Variants in ANK3 observed in about 807,000 individuals in gnomAD.
ANK3 encodes the protein ankyrin 3.
A neutral mutation model predicts 370.9 loss-of-function variants in ANK3; 57 were observed. The ratio of observed to expected loss-of-function variants is 0.15; its 90% CI spans 0.12 to 0.19. The LOEUF is 0.19. Ranked by LOEUF, ANK3 falls within the 10% of genes least tolerant of loss-of-function variation. The probability of loss-of-function intolerance (pLI) is 1.00; values close to 1 mark genes in which losing one functional copy is unlikely to be tolerated. For synonymous variants in ANK3, 1,929 were observed against 1,946.3 expected, an observed-to-expected ratio of 0.99 and a Z score of 0.23; for missense variants, 4,439 against 5,302.1, an observed-to-expected ratio of 0.84 and a Z score of 5.06.
At chr10:60,045,966 G>A (rs1463161921) in intron 42 of ANK3, among the ~76,000 whole-genome samples, 3 of 151,774 alleles carry the variant, frequency 2.0e-5, no homozygotes, top group African/African-American at 7.3e-5. Flanking sequence ...ACAGTTTGTG[G>A]GTGCATAGTT....
intron 18 of ANK3, among the ~76,000 whole-genome samples, chr10:60,180,558 T>C (rs529980513): frequency 3.3e-5 from 4 of 120,218 alleles, no homozygotes; most frequent in Admixed American, 1.1e-4. Flanking sequence ...GTCAAGCCAC[T>C]GCACTCCAGC....
At chr10:60,288,889 AACACAC>A (rs35560146) in intron 1 of ANK3, among the ~76,000 whole-genome samples, 21 of 139,322 alleles carry the variant, frequency 1.5e-4, no homozygotes, top group East Asian at 6.5e-4. Context: ...AGGTAGGAAT[AACACAC>A]ACACACACAC....
At chr10:60,692,958 TA>T (rs1248306419) in intron 1 of ANK3, among the ~76,000 whole-genome samples, 8 of 152,136 alleles carry the variant, frequency 5.3e-5, no homozygotes, top group Non-Finnish European at 1.2e-4. Flanking sequence ...AAGATTATAA[TA>T]GGGGTGATTT....
chr10:60,128,384 CTTT>C (rs56104024), intron 25 of ANK3, among the ~76,000 whole-genome samples: 34,188 of 146,008 alleles, frequency 0.23, 4,189 homozygotes, highest in East Asian at 0.48. Flanking sequence ...CATTTTTTTT[CTTT>C]TTTTTTTTTT....
chr10:60,394,386 C>T (rs528460511), upstream of ANK3, among the ~76,000 whole-genome samples: 3 of 152,018 alleles, frequency 2.0e-5, no homozygotes, highest in Non-Finnish European at 4.4e-5. Context: ...GCCATTCATA[C>T]ACCCCTTGTA....
intron 23 of ANK3, among the ~76,000 whole-genome samples, chr10:60,143,185 T>C (rs1315879982): frequency 3.2e-5 from 4 of 126,234 alleles, no homozygotes; most frequent in Non-Finnish European, 6.6e-5. Context: ...TGTTCTCCAT[T>C]ACTTATAAGC....
intron 1 of ANK3, among the ~76,000 whole-genome samples, chr10:60,302,120 A>G (rs2043952626): frequency 6.6e-6 from 1 of 152,238 alleles, no homozygotes; most frequent in African/African-American, 2.4e-5. Flanking sequence ...TATGAAACTT[A>G]TATACACCAG....
chr10:60,208,218 A>C lies in ANK3; in HGVS notation c.1012T>G (p.Leu338Val). The change falls in exon 10 of 44, where the codon TTG (leucine) becomes GTG (valine). Residue 338 changes from leucine to valine, a missense_variant. Physicochemically the swap from Leu to Val is conservative, Grantham distance 32 (BLOSUM62 1). Transcript: ENST00000280772. ...LSKTKNGLSP[L>V]HMATQGDHLN... ...TGATCCCCTTGTGTGGCCATGTGCA[A>C]TGGAGATAATCCATTCTGGAACACA... 1 of 1,614,098 alleles carries C rather than the reference A, an allele frequency of 6.2e-7. No homozygotes were observed. The highest frequency in any genetic ancestry group is 1.7e-5 in the Admixed American group (1 of 60,014).
intron 21 of ANK3, among the ~76,000 whole-genome samples, chr10:60,168,667 C>A (rs979070406): frequency 6.6e-6 from 1 of 152,148 alleles, no homozygotes; most frequent in Non-Finnish European, 1.5e-5. Context: ...TATTAAGCCT[C>A]GCATGCATGA....
chr10:60,514,905 C>T (rs182763278), intron 2 of ANK3, among the ~76,000 whole-genome samples: 365 of 152,142 alleles, frequency 2.4e-3, no homozygotes, highest in African/African-American at 8.1e-3. Flanking sequence ...TATAAAATGA[C>T]AAATTTTATT....
At chr10:60,280,734 C>T (rs2098149194) in intron 1 of ANK3, among the ~76,000 whole-genome samples, 1 of 152,166 alleles carries the variant, frequency 6.6e-6, no homozygotes, top group Non-Finnish European at 1.5e-5. Context: ...TGCAATCATG[C>T]AGGGTATGGC....
At chr10:60,652,498 C>T (rs2078803096) in intron 1 of ANK3, among the ~76,000 whole-genome samples, 1 of 151,526 alleles carries the variant, frequency 6.6e-6, no homozygotes, top group Non-Finnish European at 1.5e-5. Flanking sequence ...AACCTTAAAC[C>T]CTTAATCAAA....
intron 2 of ANK3, chr10:60,572,851 G>C: frequency 1.9e-6 from 2 of 1,078,336 alleles, no homozygotes; most frequent in Non-Finnish European, 2.2e-6. Flanking sequence ...AGACTTTGTT[G>C]CTTGTTCCTC....
intron 8 of ANK3, 57 bp from the exon 9 acceptor site, chr10:60,213,567 G>T: frequency 3.4e-6 from 4 of 1,179,152 alleles, no homozygotes; most frequent in Non-Finnish European, 4.8e-6. Context: ...TATGAGTGCA[G>T]TGTACTTCTT....
In ANK3 at chr10:60,135,891, T is replaced by C. The variant is rs116516342; in HGVS notation, c.2739-1518A>G. Among the ~76,000 whole-genome samples the C allele has an allele frequency of 3.0e-3, 463 of 152,238 alleles. 4 individuals are homozygous for C. Among genetic ancestry groups the C allele is most frequent in the African/African-American group, 0.011 (452 of 41,536 alleles). ...TCTTCTAGGATTGGAGCCTTCACTT[T>C]TATCAGAATCTCAGATGGACCTCTC... On this transcript the variant is annotated intron_variant, in intron 24 of 43. Coordinates refer to ENST00000280772, the MANE Select transcript of ANK3 (RefSeq NM_020987.5).
At chr10:60,329,727 T>G (rs1278074470) in intron 1 of ANK3, among the ~76,000 whole-genome samples, 5 of 152,170 alleles carry the variant, frequency 3.3e-5, no homozygotes, top group Non-Finnish European at 7.3e-5. Context: ...AATTTATAGA[T>G]TCAATGCTAT....
chr10:60,476,363 A>C (rs2075065434), intron 2 of ANK3, among the ~76,000 whole-genome samples: 1 of 152,202 alleles, frequency 6.6e-6, no homozygotes, highest in African/African-American at 2.4e-5. Context: ...GATAAACAAT[A>C]ATATAATTTC....
At chr10:60,291,641 C>T (rs539770575) in intron 1 of ANK3, among the ~76,000 whole-genome samples, 1 of 152,174 alleles carries the variant, frequency 6.6e-6, no homozygotes, top group East Asian at 1.9e-4. Flanking sequence ...AAAGACGGAG[C>T]AGTGTTAATA....
chr10:60,246,945 T>G (rs1215061297), intron 7 of ANK3, among the ~76,000 whole-genome samples: 1 of 152,190 alleles, frequency 6.6e-6, no homozygotes, highest in Non-Finnish European at 1.5e-5. Context: ...TCTCCTCCCT[T>G]AATTACAAAT....
Sources: allele counts gnomAD v4.1 joint callset (sites outside exome capture counted in the v4.1 genomes callset), GRCh38; gene constraint gnomAD v4.1.1; transcripts MANE v1.5; gene names NCBI Gene and HGNC (gene_info 2026-07-23, HGNC 2026-07-21).